Variants in EPHA4 observed in about 807,000 individuals in gnomAD.
EPHA4 encodes EPH receptor A4.
A neutral mutation model predicts 108.3 loss-of-function variants in EPHA4; 19 were observed. That is an observed-to-expected ratio of 0.18 (90% CI 0.12 to 0.26). The LOEUF (loss-of-function observed/expected upper bound fraction) is 0.26, where lower values mean the gene tolerates loss of function less well. Ranked by LOEUF, EPHA4 falls within the 10% of genes least tolerant of loss-of-function variation. EPHA4 has a pLI of 1.00. For missense variants in EPHA4, 917 were observed against 1,254.0 expected, an observed-to-expected ratio of 0.73 and a Z score of 4.06; for synonymous variants, 449 against 455.5, an observed-to-expected ratio of 0.99 and a Z score of 0.18.
At chr2:221,459,563 G>GCA (rs1399999520) in intron 5 of EPHA4, among the ~76,000 whole-genome samples, 2 of 150,890 alleles carry the variant, frequency 1.3e-5, no homozygotes, top group Non-Finnish European at 3.0e-5. Context: ...ACACACACAG[G>GCA]CACACACACA....
At chr2:221,515,557 G>GT (rs1337072343) in intron 3 of EPHA4, among the ~76,000 whole-genome samples, 1 of 152,208 alleles carries the variant, frequency 6.6e-6, no homozygotes, top group African/African-American at 2.4e-5. Context: ...TACCATGCCT[G>GT]TAATCCCAGC....
At chr2:221,466,795 T>C (rs1317547810) in intron 5 of EPHA4, among the ~76,000 whole-genome samples, 1 of 152,182 alleles carries the variant, frequency 6.6e-6, no homozygotes, top group Non-Finnish European at 1.5e-5. Flanking sequence ...CTCCAAGTTA[T>C]AGCTTATATG....
chr2:221,472,287 C>T (rs375465090), intron 5 of EPHA4, among the ~76,000 whole-genome samples: 30 of 133,812 alleles, frequency 2.2e-4, no homozygotes, highest in Middle Eastern at 7.8e-3. Flanking sequence ...GCTCAAAATA[C>T]GCACTTATTT....
chr2:221,439,836 G>A (rs1284898484), intron 11 of EPHA4, among the ~76,000 whole-genome samples: 2 of 152,162 alleles, frequency 1.3e-5, no homozygotes, highest in Non-Finnish European at 2.9e-5. Context: ...ATCCAAAAGT[G>A]AGGGTCATGC....
intron 5 of EPHA4, among the ~76,000 whole-genome samples, chr2:221,460,359 T>TA (rs997907075): frequency 2.0e-5 from 3 of 152,180 alleles, no homozygotes; most frequent in African/African-American, 7.2e-5. Flanking sequence ...CTTTCATACC[T>TA]ACTGGAGAGA....
At chr2:221,444,076 TAAC>T (rs1690514061) in intron 9 of EPHA4, among the ~76,000 whole-genome samples, 1 of 152,198 alleles carries the variant, frequency 6.6e-6, no homozygotes, top group African/African-American at 2.4e-5. Context: ...GACCAACAAT[TAAC>T]AAAATTAGAT....
At chr2:221,562,450 G>T (rs977421848) in intron 3 of EPHA4, among the ~76,000 whole-genome samples, 10 of 152,104 alleles carry the variant, frequency 6.6e-5, no homozygotes, top group Admixed American at 3.9e-4. Flanking sequence ...CAATCAAGTG[G>T]ATTGCCCCAT....
At chr2:221,541,316 C>T (rs1693832779) in intron 3 of EPHA4, among the ~76,000 whole-genome samples, 1 of 151,968 alleles carries the variant, frequency 6.6e-6, no homozygotes, top group South Asian at 2.1e-4. Flanking sequence ...GGCAGAGAAC[C>T]GAAGCAGCGA....
At position 221,563,903 on chromosome 2, in the gene EPHA4, G is replaced by A. The variant is rs1330716739; in HGVS notation, c.651C>T (p.Thr217=). 6 of 1,614,090 alleles carry A rather than the reference G, an allele frequency of 3.7e-6. No individual in the cohort carries two copies. The highest frequency in any genetic ancestry group is 1.1e-5 in the South Asian group (1 of 91,094). Residue 217 remains threonine (T), a synonymous_variant, in exon 3 of 18, where the codon ACC becomes ACT. Coordinates refer to ENST00000281821, the MANE Select transcript of EPHA4 (RefSeq NM_004438.5). ...GGGAAGACGTATCAGCCCCTGTGATGGTGTCAGGAAACTGGGCCAGATTGC... is the reference window on the plus strand; with the variant it reads ...GGGAAGACGTATCAGCCCCTGTGATAGTGTCAGGAAACTGGGCCAGATTGC... ...TVRNLAQFPD[T]ITGADTSSLV... is the part of the protein sequence containing the mutation.
At chr2:221,572,518 C>T (rs898148616), upstream of EPHA4, 30 of 229,816 alleles carry the variant, frequency 1.3e-4, no homozygotes, top group Admixed American at 3.5e-4. Flanking sequence ...CACGGCCGGT[C>T]CCCGCCCCCG....
At chr2:221,572,027 C>G in intron 1 of EPHA4, 131 bp downstream of exon 1, 1 of 768,508 alleles carries the variant, frequency 1.3e-6, no homozygotes, top group South Asian at 1.6e-5. Flanking sequence ...CCTCAGCCCC[C>G]TTCTCCCGAA....
intron 4 of EPHA4, among the ~76,000 whole-genome samples, chr2:221,498,787 T>C (rs1008578746): frequency 2.3e-5 from 3 of 129,362 alleles, no homozygotes; most frequent in Non-Finnish European, 5.2e-5. Context: ...CTATTTTTTT[T>C]TTCTTTTTTT....
At chr2:221,436,961 A>G in intron 12 of EPHA4, 100 bp downstream of exon 12, 3 of 872,546 alleles carry the variant, frequency 3.4e-6, no homozygotes, top group Non-Finnish European at 5.6e-6. Flanking sequence ...GCCCATTAAA[A>G]GAAATCCACG....
chr2:221,566,879 AGAAGGAGAAGG>A lies in EPHA4; in HGVS notation c.159+1828_159+1838del, dbSNP rs1208148273. ...GAGAAGAAGAAGAAGAAGAAGAAGG[AGAAGGAGAAGG>A]AGAAGGAGAAGGAGAAGGAGAAGGA... On this transcript the variant is annotated intron_variant, in intron 2 of 17. Coordinates refer to ENST00000281821, the MANE Select transcript of EPHA4 (RefSeq NM_004438.5). Among the ~76,000 whole-genome samples the A allele has an allele frequency of 1.1e-3, 26 of 23,122 alleles. 5 individuals carry two copies. The highest frequency in any genetic ancestry group is 4.4e-3 in the African/African-American group (14 of 3,158). 15.2% of individuals were successfully genotyped at this position (23,122 alleles called of 152,430 possible). A position where few individuals can be genotyped will look rare whatever the true frequency, so the allele number is the denominator to read the frequency against.
At chr2:221,534,657 A>G (rs139747431) in intron 3 of EPHA4, among the ~76,000 whole-genome samples, 1,757 of 152,270 alleles carry the variant, frequency 0.012, 20 homozygotes, top group Non-Finnish European at 0.016. Flanking sequence ...AAAAGTCTCA[A>G]TAGTCAATAA....
intron 5 of EPHA4, 117 bp downstream of exon 5, chr2:221,482,235 G>A (rs182410447): frequency 4.5e-5 from 48 of 1,076,538 alleles, no homozygotes; most frequent in Middle Eastern, 3.2e-4. Flanking sequence ...ACATTATAAC[G>A]CAGCTCCCAG....
At chr2:221,447,430 A>G (rs747488575) in intron 8 of EPHA4, among the ~76,000 whole-genome samples, 1 of 152,180 alleles carries the variant, frequency 6.6e-6, no homozygotes, top group Non-Finnish European at 1.5e-5. Flanking sequence ...TACGAAAAAG[A>G]GAGAATAACA....
At chr2:221,461,587 A>T (rs1225689727) in intron 5 of EPHA4, among the ~76,000 whole-genome samples, 1 of 152,154 alleles carries the variant, frequency 6.6e-6, no homozygotes, top group Non-Finnish European at 1.5e-5. Flanking sequence ...TTCTTCCTCA[A>T]CATCAACTCG....
chr2:221,425,989 A>T lies in EPHA4; in HGVS notation c.*39T>A. 1 of 1,556,644 alleles carries T rather than the reference A, an allele frequency of 6.4e-7. No homozygotes were observed. The highest frequency in any genetic ancestry group is 2.2e-5 in the East Asian group (1 of 44,586). The stretch of plus-strand genomic sequence containing the variant: ...TTCAATTAAAGTGCATGGATGAGGT[A>T]AACTAATTTCAAGAGTTTTGAGTTT... On this transcript the variant is annotated 3_prime_UTR_variant, in exon 17 of 18. Coordinates refer to ENST00000281821, the MANE Select transcript of EPHA4 (RefSeq NM_004438.5).
Sources: gnomAD v4.1 joint callset for allele counts (sites outside exome capture counted in the v4.1 genomes callset) on GRCh38, gnomAD v4.1.1 for gene constraint, MANE v1.5 for transcripts, NCBI Gene and HGNC (gene_info 2026-07-23, HGNC 2026-07-21) for gene names.